Variants in TCF7L1 observed in about 807,000 individuals in gnomAD.
TCF7L1 encodes the protein transcription factor 7 like 1, also known as transcription factor 7-like 1.
Under a neutral mutation model 63.7 loss-of-function variants are expected in TCF7L1, and 18 were observed. The observed-to-expected ratio is 0.28, with a 90% CI of 0.20 to 0.42. The LOEUF (loss-of-function observed/expected upper bound fraction) is 0.42, where lower values mean the gene tolerates loss of function less well. Among genes scored for constraint, TCF7L1 ranks in the 10% least tolerant of loss-of-function variants. The probability of loss-of-function intolerance (pLI) is 1.00; values close to 1 mark genes in which losing one functional copy is unlikely to be tolerated. For synonymous variants in TCF7L1, 355 were observed against 340.9 expected, an observed-to-expected ratio of 1.04 and a Z score of -0.46; for missense variants, 654 against 779.3, an observed-to-expected ratio of 0.84 and a Z score of 1.91.
chr2:85,244,410 G>C (rs1350793226), intron 3 of TCF7L1, among the ~76,000 whole-genome samples: 2 of 152,192 alleles, frequency 1.3e-5, no homozygotes, highest in African/African-American at 4.8e-5. Flanking sequence ...GGCCAGTGGG[G>C]CCTGGATGGT....
intron 4 of TCF7L1, among the ~76,000 whole-genome samples, chr2:85,295,671 T>G (rs1681825336): frequency 6.6e-6 from 1 of 152,092 alleles, no homozygotes; most frequent in Non-Finnish European, 1.5e-5. Flanking sequence ...CTTGGAAACA[T>G]TGTGACCCTT....
In TCF7L1 at chr2:85,134,271, C is replaced by A; in HGVS notation, c.314-52C>A. ...TCCCGCCTCGAGCCCCCTGCCGCGG[C>A]GCTGTCAGTCCCGGGGGCCTGGGCC... On this transcript the variant is annotated intron_variant, in intron 2 of 11. Transcript: ENST00000282111. This position sits in a 1 kb window ranked among gnomAD's most constrained non-coding sequence, Gnocchi z 5.0. The A allele has an allele frequency of 6.6e-7, 1 of 1,516,616 alleles. No homozygotes were observed. Among genetic ancestry groups the A allele is most frequent in the Non-Finnish European group, 8.8e-7 (1 of 1,130,308 alleles). The allele number at this position is 1,516,616 out of a possible 1,614,324, so 93.9% of individuals were successfully genotyped here. A position where few individuals can be genotyped will look rare whatever the true frequency, so the allele number is the denominator to read the frequency against.
intron 3 of TCF7L1, among the ~76,000 whole-genome samples, chr2:85,226,849 C>T (rs1418896620): frequency 2.7e-5 from 4 of 150,450 alleles, no homozygotes; most frequent in Non-Finnish European, 5.9e-5. Flanking sequence ...TCCCAGTGCA[C>T]CACTTTCTCC....
At chr2:85,196,252 C>T (rs537616875) in intron 3 of TCF7L1, among the ~76,000 whole-genome samples, 1 of 152,328 alleles carries the variant, frequency 6.6e-6, no homozygotes, top group Admixed American at 6.5e-5. Flanking sequence ...TTTGTGCCCA[C>T]ATAAACGATG....
intron 3 of TCF7L1, among the ~76,000 whole-genome samples, chr2:85,222,124 C>A (rs1277425932): frequency 6.6e-6 from 1 of 151,938 alleles, no homozygotes; most frequent in African/African-American, 2.4e-5. Context: ...GGTGGATCAC[C>A]TGAGGTCAGG....
intron 3 of TCF7L1, among the ~76,000 whole-genome samples, chr2:85,153,341 T>TG (rs923125305): frequency 2.7e-4 from 9 of 32,982 alleles, no homozygotes; most frequent in East Asian, 9.2e-3. Context: ...CCTTTATAAA[T>TG]TTTTTTTTTT....
intron 3 of TCF7L1, among the ~76,000 whole-genome samples, chr2:85,270,405 GAGA>G (rs1432046412): frequency 6.6e-6 from 1 of 152,176 alleles, no homozygotes; most frequent in Non-Finnish European, 1.5e-5. Flanking sequence ...TGCCAGCCAG[GAGA>G]GATGCTTCTA....
intron 3 of TCF7L1, among the ~76,000 whole-genome samples, chr2:85,135,560 A>G (rs982417892): frequency 6.6e-6 from 1 of 152,078 alleles, no homozygotes; most frequent in Non-Finnish European, 1.5e-5. Context: ...TAACGACGAT[A>G]ATTAAAGGGT....
At chr2:85,158,225 CT>C (rs1678196342) in intron 3 of TCF7L1, among the ~76,000 whole-genome samples, 3 of 152,320 alleles carry the variant, frequency 2.0e-5, no homozygotes, top group African/African-American at 7.2e-5. Flanking sequence ...GCTCTGGCTT[CT>C]GCAGCCAAAC....
intron 3 of TCF7L1, among the ~76,000 whole-genome samples, chr2:85,275,181 C>T (rs1180108488): frequency 2.6e-5 from 4 of 152,190 alleles, no homozygotes; most frequent in African/African-American, 4.8e-5. Context: ...CTAGTCCAGG[C>T]CCCTGCTTCA....
At chr2:85,221,504 T>A (rs1397495904) in intron 3 of TCF7L1, among the ~76,000 whole-genome samples, 1 of 152,214 alleles carries the variant, frequency 6.6e-6, no homozygotes, top group Non-Finnish European at 1.5e-5. Flanking sequence ...AGTGCCGACA[T>A]CTGCTCAGCA....
chr2:85,234,662 T>A (rs1680157786), intron 3 of TCF7L1, among the ~76,000 whole-genome samples: 1 of 152,240 alleles, frequency 6.6e-6, no homozygotes, highest in Non-Finnish European at 1.5e-5. Context: ...ACTTAACTTT[T>A]AATTTTTTGT....
intron 3 of TCF7L1, among the ~76,000 whole-genome samples, chr2:85,243,538 G>A (rs866765101): frequency 3.0e-4 from 45 of 152,282 alleles, no homozygotes; most frequent in African/African-American, 6.5e-4. Context: ...AGGGGATCCA[G>A]TGTTTTCGGA....
At chr2:85,151,654 G>C (rs1406222591) in intron 3 of TCF7L1, among the ~76,000 whole-genome samples, 1 of 152,150 alleles carries the variant, frequency 6.6e-6, no homozygotes, top group East Asian at 1.9e-4. Context: ...CAGATCAGAG[G>C]TCAGCAAACT....
intron 3 of TCF7L1, among the ~76,000 whole-genome samples, chr2:85,155,373 C>T (rs1244458590): frequency 3.9e-5 from 6 of 152,204 alleles, no homozygotes; most frequent in Non-Finnish European, 7.3e-5. Flanking sequence ...TTTGTTCTTT[C>T]GGTCTTCACA....
chr2:85,167,901 T>C (rs189688579), intron 3 of TCF7L1, among the ~76,000 whole-genome samples: 30 of 152,270 alleles, frequency 2.0e-4, no homozygotes, highest in African/African-American at 6.0e-4. Flanking sequence ...CTGCCGTTTG[T>C]GACAACAAAT....
intron 3 of TCF7L1, among the ~76,000 whole-genome samples, chr2:85,210,361 G>A (rs17026034): frequency 0.083 from 12,639 of 152,264 alleles, 928 homozygotes; most frequent in African/African-American, 0.2. Flanking sequence ...CCCTTGGCAG[G>A]CATCTCCACT....
intron 3 of TCF7L1, among the ~76,000 whole-genome samples, chr2:85,159,023 C>T (rs1311209366): frequency 6.6e-6 from 1 of 152,158 alleles, no homozygotes; most frequent in South Asian, 2.1e-4. Context: ...GAGTTGGCTG[C>T]GAGGATGTTG....
intron 3 of TCF7L1, among the ~76,000 whole-genome samples, chr2:85,210,944 C>T (rs376326789): frequency 2.6e-4 from 39 of 152,280 alleles, no homozygotes; most frequent in African/African-American, 6.5e-4. Flanking sequence ...GGAACCTGCG[C>T]GAGGCACCAC....
Sources: gnomAD v4.1 joint callset for allele counts (sites outside exome capture counted in the v4.1 genomes callset) on GRCh38, gnomAD v4.1.1 for gene constraint, Gnocchi (gnomAD v3.1) non-coding constraint, MANE v1.5 for transcripts, NCBI Gene and HGNC (gene_info 2026-07-23, HGNC 2026-07-21) for gene names.